The following ASIC2 variants were observed in gnomAD, a reference collection of about 807,000 sequenced individuals.
The protein encoded by ASIC2 is acid-sensing ion channel 2.
In ASIC2, 25 loss-of-function variants were observed where a neutral mutation model predicts 57.3. The ratio of observed to expected loss-of-function variants is 0.44; its 90% confidence interval spans 0.32 to 0.61. ASIC2 has a LOEUF of 0.61. Ranked by LOEUF, ASIC2 falls within the 20% of genes least tolerant of loss-of-function variation. The pLI, the probability that ASIC2 is intolerant of heterozygous loss-of-function variation, is 0.06. For synonymous variants in ASIC2, 319 were observed against 307.5 expected (o/e 1.04, Z -0.39); for missense variants, 641 against 738.1 (o/e 0.87, Z 1.52).
intron 1 of ASIC2, among the ~76,000 whole-genome samples, chr17:33,314,051 G>A (rs1419643370): frequency 1.3e-5 from 2 of 152,106 alleles, no homozygotes; most frequent in African/African-American, 4.8e-5. Context: ...CTGTGGTTAT[G>A]TGTGGGTGGC....
chr17:33,972,299 T>G (rs1567774152), intron 1 of ASIC2, among the ~76,000 whole-genome samples: 1 of 152,088 alleles, frequency 6.6e-6, no homozygotes, highest in South Asian at 2.1e-4. Context: ...CATTTGACGA[T>G]TGATTTAGTT....
In ASIC2 at chr17:33,309,772, T is replaced by C. The variant is rs1272325347; in HGVS notation, c.556-197705A>G. On this transcript the variant is annotated intron_variant, in intron 1 of 9. Coordinates refer to the ASIC2 transcript ENST00000359872. ...TTCACAGTGCAAACATGTGCTCCTA[T>C]ATCTGTGTCCCCAGCAGACAGTGTG... is the stretch of plus-strand genomic sequence containing the variant. Among the ~76,000 whole-genome samples, 3 of 152,036 alleles carry C rather than the reference T, an allele frequency of 2.0e-5. No individual in the cohort carries two copies. The East Asian group carries it at 5.8e-4, about 29-fold the overall frequency.
chr17:33,323,451 G>A lies in ASIC2; in HGVS notation c.556-211384C>T, dbSNP rs534916055. Among the ~76,000 whole-genome samples, 9 of 152,272 alleles carry A rather than the reference G, an allele frequency of 5.9e-5. No individual in the cohort carries two copies. The East Asian group carries it at 1.2e-3, about 20-fold the overall frequency. On this transcript the variant is annotated intron_variant, in intron 1 of 9. Coordinates refer to the ASIC2 transcript ENST00000359872. The stretch of plus-strand genomic sequence containing the variant: ...GACACAGGCGGGCACGGTGCCTCAC[G>A]CCTATAATCCCAGCACTTTGGGAGG...
At chr17:33,688,685 G>C (rs1449280657) in intron 1 of ASIC2, 1 of 152,224 alleles carries the variant, frequency 6.6e-6, no homozygotes, top group Admixed American at 6.5e-5. Flanking sequence ...AGTGGCAAAA[G>C]CTGCTCTGTA....
At chr17:33,799,474 CT>C (rs1567719214) in intron 1 of ASIC2, among the ~76,000 whole-genome samples, 1 of 131,320 alleles carries the variant, frequency 7.6e-6, no homozygotes, top group Non-Finnish European at 1.6e-5. Context: ...TTCTTTCTTT[CT>C]TTCCTTCTTT....
At chr17:33,273,215 A>T (rs749956367) in intron 1 of ASIC2, among the ~76,000 whole-genome samples, 8 of 152,230 alleles carry the variant, frequency 5.3e-5, no homozygotes, top group Admixed American at 3.9e-4. Flanking sequence ...CAAAATTAAA[A>T]GAGTAGAAAA....
At position 33,022,103 on chromosome 17, in the gene ASIC2, C is replaced by T. The variant is rs761038764; in HGVS notation, c.1350-793G>A. Among the ~76,000 whole-genome samples the T allele has an allele frequency of 4.6e-5, 7 of 152,100 alleles. No homozygotes were observed. In the East Asian group the frequency reaches 7.7e-4, roughly 17 times the overall value. ...AGTGTTGGCAAGAAGGAGGGGCTGGCGAAGAGAGGAGCAGATTCTTCTTTC... is the reference window on the plus strand; with the variant it reads ...AGTGTTGGCAAGAAGGAGGGGCTGGTGAAGAGAGGAGCAGATTCTTCTTTC... On this transcript the variant is annotated intron_variant, in intron 6 of 9. Transcript: ENST00000225823.
At chr17:33,788,112 G>T (rs138033025) in intron 1 of ASIC2, among the ~76,000 whole-genome samples, 82 of 152,250 alleles carry the variant, frequency 5.4e-4, no homozygotes, top group African/African-American at 1.9e-3. Flanking sequence ...ACTATCATCA[G>T]AGTGAACAGG....
At chr17:33,634,744 G>A (rs1170682177) in intron 1 of ASIC2, 3 of 145,730 alleles carry the variant, frequency 2.1e-5, no homozygotes, top group African/African-American at 7.7e-5. Context: ...TAGTAGTGAC[G>A]GGGTTTCGCC....
At chr17:33,935,112 G>GC (rs1354669527) in intron 1 of ASIC2, among the ~76,000 whole-genome samples, 1 of 152,176 alleles carries the variant, frequency 6.6e-6, no homozygotes, top group African/African-American at 2.4e-5. Flanking sequence ...TGCTTGCCCT[G>GC]CCCCAAACAA....
intron 1 of ASIC2, among the ~76,000 whole-genome samples, chr17:33,384,314 TA>T (rs1909596958): frequency 6.6e-6 from 1 of 152,188 alleles, no homozygotes; most frequent in Non-Finnish European, 1.5e-5. Flanking sequence ...TATTAATTGG[TA>T]AAAGTGTCAG....
At chr17:33,559,301 C>T (rs996141359) in intron 1 of ASIC2, among the ~76,000 whole-genome samples, 2 of 152,198 alleles carry the variant, frequency 1.3e-5, no homozygotes, top group Non-Finnish European at 2.9e-5. Context: ...CCCTTCCTCA[C>T]AGCTCCCCAC....
chr17:33,235,314 GCCTC>G (rs987742588), intron 1 of ASIC2, among the ~76,000 whole-genome samples: 35 of 152,240 alleles, frequency 2.3e-4, no homozygotes, highest in African/African-American at 7.9e-4. Flanking sequence ...TCCACTCCTG[GCCTC>G]CCTCCCTGTG....
intron 1 of ASIC2, among the ~76,000 whole-genome samples, chr17:33,883,673 C>T (rs1001137879): frequency 7.9e-5 from 12 of 152,300 alleles, no homozygotes; most frequent in Non-Finnish European, 1.5e-4. Context: ...ACAAGTACCA[C>T]GGACCCTGTA....
Position 33,775,749 on chromosome 17 carries a change from CAGTG to C in ASIC2, c.555+380225_555+380228del, listed in dbSNP as rs1849637284. On this transcript the variant is annotated intron_variant, in intron 1 of 9. Coordinates refer to the ASIC2 transcript ENST00000359872. ...CAATTCTTTGTCCACCTCCTCCTGA[CAGTG>C]AGTCTCATGTAAGCTCAGCTCTTCC... 2.6e-5 allele frequency among the ~76,000 whole-genome samples: 4 copies of C among 152,312 alleles called. No homozygotes were observed. In the East Asian group the frequency reaches 5.8e-4, roughly 22 times the overall value.
chr17:33,262,863 C>A (rs1451329841), intron 1 of ASIC2, among the ~76,000 whole-genome samples: 2 of 152,172 alleles, frequency 1.3e-5, no homozygotes, highest in African/African-American at 4.8e-5. Context: ...AAGAGAAAGC[C>A]TCGCCCATGT....
chr17:33,901,104 G>C (rs951945927), intron 1 of ASIC2, among the ~76,000 whole-genome samples: 1 of 152,090 alleles, frequency 6.6e-6, no homozygotes, highest in Non-Finnish European at 1.5e-5. Context: ...TTGTGCTTCT[G>C]ACCTGTCTGC....
At chr17:33,434,136 T>A (rs931593542) in intron 1 of ASIC2, among the ~76,000 whole-genome samples, 4 of 151,102 alleles carry the variant, frequency 2.6e-5, no homozygotes, top group Non-Finnish European at 4.4e-5. Context: ...AAATAAATAA[T>A]AAATAAATAA....
intron 1 of ASIC2, among the ~76,000 whole-genome samples, chr17:34,008,642 G>A (rs1357696341): frequency 6.6e-6 from 1 of 152,088 alleles, no homozygotes; most frequent in Non-Finnish European, 1.5e-5. Context: ...TACATATCTA[G>A]GAATTTGTTA....
Sources: allele counts gnomAD v4.1 joint callset (sites outside exome capture counted in the v4.1 genomes callset), GRCh38; gene constraint gnomAD v4.1.1; transcripts MANE v1.5; gene names NCBI Gene and HGNC (gene_info 2026-07-23, HGNC 2026-07-21).